Variants in PIP4K2A observed in about 807,000 individuals in gnomAD.
The protein encoded by PIP4K2A is phosphatidylinositol 5-phosphate 4-kinase type-2 alpha.
A neutral mutation model predicts 42.9 loss-of-function variants in PIP4K2A; 14 were observed. The observed-to-expected ratio is 0.33, with a 90% CI of 0.22 to 0.51. The LOEUF (loss-of-function observed/expected upper bound fraction) is 0.51. Ranked by LOEUF, PIP4K2A falls within the 20% of genes least tolerant of loss-of-function variation. The pLI, the probability that PIP4K2A is intolerant of heterozygous loss-of-function variation, is 0.97. For synonymous variants in PIP4K2A, 192 were observed against 192.2 expected (o/e 1.00, Z 0.01); for missense variants, 434 against 519.8 (o/e 0.83, Z 1.61).
chr10:22,541,753 CA>C, intron 8 of PIP4K2A, 50 bp downstream of exon 8: 9 of 1,495,300 alleles, frequency 6.0e-6, no homozygotes, highest in Non-Finnish European at 8.0e-6. Flanking sequence ...ATAACAAGGC[CA>C]AAGTCAAACC....
chr10:22,653,610 C>T (rs1418124729), intron 1 of PIP4K2A, among the ~76,000 whole-genome samples: 1 of 152,136 alleles, frequency 6.6e-6, no homozygotes, highest in African/African-American at 2.4e-5. Flanking sequence ...ATCCTACGCA[C>T]CTAAAGTTAG....
rs1554792201 is a variant in PIP4K2A at position 22,539,924 on chromosome 10, A to AGAGAGAGAGAGAGAGG, written c.1140+46_1140+47insCCTCTCTCTCTCTCTC. 28 of 950,320 alleles carry AGAGAGAGAGAGAGAGG rather than the reference A, an allele frequency of 2.9e-5. No homozygotes were observed. In the African/African-American group the frequency reaches 3.6e-4, roughly 12 times the overall value. 58.9% of individuals were successfully genotyped at this position (950,320 alleles called of 1,614,324 possible). A position where few individuals can be genotyped will look rare whatever the true frequency, so the allele number is the denominator to read the frequency against. On this transcript the variant is annotated intron_variant, in intron 9 of 9. Transcript: ENST00000376573. Reference sequence around the variant, plus strand: ...GAGAGAGAGAGAGGGAGAGAGAGAGAGAGAGAGGGAGAGAAAGAGAGAAGG... The same window carrying AGAGAGAGAGAGAGAGG: ...GAGAGAGAGAGAGGGAGAGAGAGAGAGAGAGAGAGAGAGAGGGAGAGAGGGAGAGAAAGAGAGAAGG...
intron 1 of PIP4K2A, among the ~76,000 whole-genome samples, chr10:22,627,591 T>TTAAAAAAAAAA (rs1838469308): frequency 3.5e-5 from 2 of 56,994 alleles, no homozygotes; most frequent in Non-Finnish European, 6.3e-5. Flanking sequence ...TAATATGTAA[T>TTAAAAAAAAAA]AAAAAAAAAA....
At chr10:22,673,318 C>G (rs755688511) in intron 1 of PIP4K2A, among the ~76,000 whole-genome samples, 20 of 152,264 alleles carry the variant, frequency 1.3e-4, no homozygotes, top group Non-Finnish European at 1.8e-4. Context: ...CAGGAAGGAA[C>G]TGGGTTTTAT....
chr10:22,549,097 A>G (rs1355224889), intron 7 of PIP4K2A, among the ~76,000 whole-genome samples: 3 of 152,196 alleles, frequency 2.0e-5, no homozygotes, highest in Non-Finnish European at 2.9e-5. Flanking sequence ...ACAAATAACC[A>G]ATATATAGGT....
At chr10:22,646,933 A>C (rs752291178) in intron 1 of PIP4K2A, among the ~76,000 whole-genome samples, 2 of 82,424 alleles carry the variant, frequency 2.4e-5, no homozygotes, top group African/African-American at 8.7e-5. Flanking sequence ...AAACAAAACA[A>C]AAAACAAAAC....
chr10:22,707,772 C>A (rs1307056528), intron 1 of PIP4K2A, among the ~76,000 whole-genome samples: 1 of 152,188 alleles, frequency 6.6e-6, no homozygotes, highest in Non-Finnish European at 1.5e-5. Flanking sequence ...CCCACTTTCT[C>A]ACCCCACACT....
intron 1 of PIP4K2A, among the ~76,000 whole-genome samples, chr10:22,678,474 T>C (rs988097386): frequency 1.3e-5 from 2 of 152,048 alleles, no homozygotes; most frequent in Non-Finnish European, 2.9e-5. Flanking sequence ...TGTCGTTCTA[T>C]GGGGAAAAGT....
chr10:22,540,147 A>AGG lies in PIP4K2A; in HGVS notation c.1037-75_1037-74dup, dbSNP rs1388666707. On this transcript the variant is annotated intron_variant, in intron 8 of 9. Transcript: ENST00000376573. ...TGCCAGCATTGCTGCTGAGGGAGGG[A>AGG]GGGAGGGAGAAGTGAGCCTGGAGGG... 3 of 517,834 alleles carry AGG rather than the reference A, an allele frequency of 5.8e-6. No homozygotes were observed. The African/African-American group carries it at 6.0e-5, about 10-fold the overall frequency. The allele number at this position is 517,834 out of a possible 1,614,324, so 32.1% of individuals were successfully genotyped here. A position where few individuals can be genotyped will look rare whatever the true frequency, so the allele number is the denominator to read the frequency against.
chr10:22,626,456 GTATT>G (rs1442879558), intron 1 of PIP4K2A, among the ~76,000 whole-genome samples: 1 of 152,168 alleles, frequency 6.6e-6, no homozygotes, highest in African/African-American at 2.4e-5. Flanking sequence ...CAAAGCTATT[GTATT>G]CAGAACACGA....
chr10:22,703,936 G>A (rs575935625), intron 1 of PIP4K2A, among the ~76,000 whole-genome samples: 12 of 152,286 alleles, frequency 7.9e-5, no homozygotes, highest in African/African-American at 2.9e-4. Flanking sequence ...TCCATTTTCT[G>A]AGACGGGAAG....
intron 3 of PIP4K2A, among the ~76,000 whole-genome samples, chr10:22,607,482 G>C (rs949371654): frequency 1.3e-5 from 2 of 152,154 alleles, no homozygotes; most frequent in South Asian, 2.1e-4. Flanking sequence ...AAATGCTGCA[G>C]CAAGAGTCTG....
At chr10:22,607,779 A>T (rs1588659935) in intron 3 of PIP4K2A, 148 bp downstream of exon 3, 1 of 552,562 alleles carries the variant, frequency 1.8e-6, no homozygotes, top group Admixed American at 3.2e-5. Flanking sequence ...ACTTTACTTC[A>T]GCATGAACAT....
intron 1 of PIP4K2A, among the ~76,000 whole-genome samples, chr10:22,629,219 C>A (rs1365920506): frequency 1.3e-5 from 2 of 152,116 alleles, no homozygotes; most frequent in African/African-American, 4.8e-5. Context: ...TAAACATACA[C>A]TATTGAAACC....
intron 1 of PIP4K2A, among the ~76,000 whole-genome samples, chr10:22,692,333 G>T (rs1251444315): frequency 6.6e-6 from 1 of 152,114 alleles, no homozygotes; most frequent in African/African-American, 2.4e-5. Flanking sequence ...ATGGGGAGCG[G>T]CTGTAAATAC....
At position 22,613,330 on chromosome 10, in the gene PIP4K2A, TGAGGGACA is replaced by T. The variant is rs1192340072; in HGVS notation, c.145-3621_145-3614del. ...AGGACAGGAGCGAGATGAAGAGGGA[TGAGGGACA>T]GAGGGAGGACCTGACAGAGAAGGGA... On this transcript the variant is annotated intron_variant, in intron 1 of 9. Transcript: ENST00000376573. Among the ~76,000 whole-genome samples the T allele has an allele frequency of 2.6e-4, 40 of 151,790 alleles. 1 individual carries two copies. The highest frequency in any genetic ancestry group is 8.9e-4 in the African/African-American group (37 of 41,384).
At chr10:22,660,395 C>T (rs971405631) in intron 1 of PIP4K2A, among the ~76,000 whole-genome samples, 27 of 152,174 alleles carry the variant, frequency 1.8e-4, no homozygotes, top group African/African-American at 6.0e-4. Flanking sequence ...TGCTTGAACC[C>T]GGGAGGCAGA....
At chr10:22,557,957 GT>G (rs1836593419) in intron 6 of PIP4K2A, among the ~76,000 whole-genome samples, 1 of 152,164 alleles carries the variant, frequency 6.6e-6, no homozygotes, top group Non-Finnish European at 1.5e-5. Flanking sequence ...TTGGCACTAG[GT>G]TTTAATGCAA....
chr10:22,576,788 T>C (rs1015569593), intron 4 of PIP4K2A, among the ~76,000 whole-genome samples: 3 of 152,194 alleles, frequency 2.0e-5, no homozygotes, highest in East Asian at 3.8e-4. Flanking sequence ...TATTCATTCA[T>C]AGAGGCTGAG....
Sources: gnomAD v4.1 joint callset for allele counts (sites outside exome capture counted in the v4.1 genomes callset) on GRCh38, gnomAD v4.1.1 for gene constraint, MANE v1.5 for transcripts, NCBI Gene and HGNC (gene_info 2026-07-23, HGNC 2026-07-21) for gene names.